Variants in KMT2A observed in about 807,000 individuals in gnomAD.
KMT2A encodes histone-lysine N-methyltransferase 2A.
In KMT2A, 16 loss-of-function variants were observed where a neutral mutation model predicts 345.3. The ratio of observed to expected loss-of-function variants is 0.05; its 90% CI spans 0.03 to 0.07. The LOEUF is 0.07. Among genes scored for constraint, KMT2A ranks in the 10% least tolerant of loss-of-function variants. KMT2A has a pLI of 1.00. For synonymous variants in KMT2A, 1,599 were observed against 1,778.6 expected (o/e 0.90, Z 2.54); for missense variants, 3,272 against 4,841.6 (o/e 0.68, Z 9.62).
Position 118,472,352 on chromosome 11 carries a change from A to C in KMT2A, c.1193A>C (p.Lys398Thr). ...GAAGCAGCTCAGCTGCAGGGAAGAA[A>C]GGTGAAGACACAGGTCAAAAATATT... is the stretch of plus-strand genomic sequence containing the variant. ...EKEAAQLQGRKVKTQVKNIRQ... is the reference protein window; with the variant it reads ...EKEAAQLQGRTVKTQVKNIRQ... The change falls in exon 3 of 36, where the codon AAG becomes ACG. Residue 398 changes from lysine to threonine, a missense_variant. Lys to Thr is a moderately conservative substitution (Grantham distance 78). This residue lies in a region of KMT2A where 412 missense variants were observed against 511.0 expected (regional missense o/e 0.81). Transcript: ENST00000534358. 6.2e-7 allele frequency: 1 copy of C among 1,614,134 alleles called. No homozygotes were observed. The highest frequency in any genetic ancestry group is 8.5e-7 in the Non-Finnish European group (1 of 1,180,028).
intron 1 of KMT2A, among the ~76,000 whole-genome samples, chr11:118,460,106 A>G (rs1949718299): frequency 6.6e-6 from 1 of 152,194 alleles, no homozygotes. Flanking sequence ...TGGTATTACT[A>G]GAAACTGTGT....
At chr11:118,440,859 G>A (rs1157512600) in intron 1 of KMT2A, among the ~76,000 whole-genome samples, 2 of 150,668 alleles carry the variant, frequency 1.3e-5, no homozygotes, top group Non-Finnish European at 2.9e-5. Flanking sequence ...TGCCTTCACA[G>A]CTAGTCCTAA....
chr11:118,482,135 T>A (rs1555039499), intron 7 of KMT2A, 43 bp downstream of exon 7: 1 of 1,547,994 alleles, frequency 6.5e-7, no homozygotes, highest in Non-Finnish European at 8.7e-7. Flanking sequence ...CCACAAGTAC[T>A]AACAAAAAAG....
chr11:118,491,102 T>C lies in KMT2A; in HGVS notation c.4697-94T>C. 1 of 1,270,950 alleles carries C rather than the reference T, an allele frequency of 7.9e-7. No homozygotes were observed. Among genetic ancestry groups the C allele is most frequent in the Non-Finnish European group, 1.1e-6 (1 of 907,216 alleles). The allele number at this position is 1,270,950 out of a possible 1,614,324, so 78.7% of individuals were successfully genotyped here. A position where few individuals can be genotyped will look rare whatever the true frequency, so the allele number is the denominator to read the frequency against. On this transcript the variant is annotated intron_variant, in intron 13 of 35. Coordinates refer to ENST00000534358, the MANE Select transcript of KMT2A (RefSeq NM_001197104.2). This position sits in a 1 kb window ranked among gnomAD's most constrained non-coding sequence, Gnocchi z 4.2. ...TGGTGTTCATGATCCCAGAAGAATA[T>C]AGATTTAGATTGGGTTGGTAAATGC...
chr11:118,492,352 G>A (rs918732896), intron 15 of KMT2A, among the ~76,000 whole-genome samples: 20 of 152,242 alleles, frequency 1.3e-4, no homozygotes, highest in African/African-American at 4.8e-4. Context: ...TATGTAAGTT[G>A]TGAACTTTAC....
At chr11:118,516,986 A>G (rs1223611584) in intron 31 of KMT2A, among the ~76,000 whole-genome samples, 1 of 152,222 alleles carries the variant, frequency 6.6e-6, no homozygotes, top group Non-Finnish European at 1.5e-5. Context: ...ACTTTCTGTG[A>G]AAATATACTT....
chr11:118,470,156 A>G (rs1261723104), intron 2 of KMT2A, among the ~76,000 whole-genome samples: 3 of 152,222 alleles, frequency 2.0e-5, no homozygotes, highest in Admixed American at 6.5e-5. Flanking sequence ...TGCTGCTTCT[A>G]CTTATCTACC....
chr11:118,481,053 A>G (rs1430153212), intron 6 of KMT2A, among the ~76,000 whole-genome samples: 1 of 152,160 alleles, frequency 6.6e-6, no homozygotes, highest in East Asian at 1.9e-4. Context: ...GGTACATGGG[A>G]TGTCCATTAC....
chr11:118,521,532 A>T lies in KMT2A; in HGVS notation c.11643+115A>T. The T allele has an allele frequency of 1.6e-6, 2 of 1,264,082 alleles. No homozygotes were observed. Among genetic ancestry groups the T allele is most frequent in the Admixed American group, 5.5e-5 (2 of 36,136 alleles). The allele number at this position is 1,264,082 out of a possible 1,614,324, so 78.3% of individuals were successfully genotyped here. Reference sequence around the variant, plus strand: ...TGTTATCAATTCAGAGACCTTTCTTAAAAAAATAAACTCTGAAATTTGTGA... The same window carrying T: ...TGTTATCAATTCAGAGACCTTTCTTTAAAAAATAAACTCTGAAATTTGTGA... On this transcript the variant is annotated intron_variant, in intron 35 of 35. Transcript: ENST00000534358. The surrounding 1 kb of genome is among the most constrained non-coding windows in gnomAD (Gnocchi z 5.3).
At chr11:118,470,332 T>G (rs2134253492) in intron 2 of KMT2A, among the ~76,000 whole-genome samples, 1 of 152,248 alleles carries the variant, frequency 6.6e-6, no homozygotes, top group Non-Finnish European at 1.5e-5. Context: ...TGAGACGGAG[T>G]CTCACTCTGT....
intron 1 of KMT2A, among the ~76,000 whole-genome samples, chr11:118,456,606 A>G (rs536256): frequency 0.29 from 44,476 of 151,920 alleles, 8,580 homozygotes; most frequent in East Asian, 0.53. Flanking sequence ...CCAAAGTGCT[A>G]GGATTACAGG....
In KMT2A at chr11:118,494,662, C is replaced by T; in HGVS notation, c.5290-32C>T. The T allele has an allele frequency of 6.3e-7, 1 of 1,580,250 alleles. No homozygotes were observed. Among genetic ancestry groups the T allele is most frequent in the Middle Eastern group, 1.7e-4 (1 of 5,930 alleles). The stretch of plus-strand genomic sequence containing the variant: ...CATGTGGTATCTAAATGAGTGTTTA[C>T]ATATTTACATTTTGTTTGTGTTTTC... On this transcript the variant is annotated intron_variant, in intron 17 of 35. Coordinates refer to ENST00000534358, the MANE Select transcript of KMT2A (RefSeq NM_001197104.2). The surrounding 1 kb of genome is among the most constrained non-coding windows in gnomAD (Gnocchi z 5.8).
Position 118,497,213 on chromosome 11 carries a change from A to T in KMT2A, c.5665-723A>T, listed in dbSNP as rs1218940396. 6.6e-6 allele frequency among the ~76,000 whole-genome samples: 1 copy of T among 152,118 alleles called. No homozygotes were observed. Among genetic ancestry groups the T allele is most frequent in the Non-Finnish European group, 1.5e-5 (1 of 68,028 alleles). On this transcript the variant is annotated intron_variant, in intron 20 of 35. Transcript: ENST00000534358. The surrounding 1 kb of genome is among the most constrained non-coding windows in gnomAD (Gnocchi z 4.8). ...GAGACGGAGTTTCTCCATGTTGGTC[A>T]GGCTGGTCTCAAACTCCCGACCCCA...
In KMT2A at chr11:118,520,774, T is replaced by A. The variant is rs1199869259; in HGVS notation, c.11430-28T>A. The A allele has an allele frequency of 1.3e-6, 2 of 1,553,964 alleles. No homozygotes were observed. The highest frequency in any genetic ancestry group is 1.8e-6 in the Non-Finnish European group (2 of 1,125,574). ...TCAAAACATTATTTCCTGAAAAAAA[T>A]TCGTTAATAGTATGTCTTATCTCTT... On this transcript the variant is annotated intron_variant, in intron 33 of 35. Transcript: ENST00000534358. This position sits in a 1 kb window ranked among gnomAD's most constrained non-coding sequence, Gnocchi z 4.3.
At chr11:118,483,187 T>A (rs552878891) in intron 8 of KMT2A, among the ~76,000 whole-genome samples, 252 of 142,222 alleles carry the variant, frequency 1.8e-3, no homozygotes, top group African/African-American at 6.3e-3. Flanking sequence ...GAGCCGAGAT[T>A]GCATCATTGC....
chr11:118,444,663 T>C (rs985395898), intron 1 of KMT2A, among the ~76,000 whole-genome samples: 8 of 152,190 alleles, frequency 5.3e-5, no homozygotes, highest in African/African-American at 1.9e-4. Context: ...AGCCTCAACC[T>C]CCAGGGCTCA....
chr11:118,490,261 A>G lies in KMT2A; in HGVS notation c.4696+12A>G. 2 of 1,541,096 alleles carry G rather than the reference A, an allele frequency of 1.3e-6. No individual in the cohort carries two copies. The highest frequency in any genetic ancestry group is 1.7e-6 in the Non-Finnish European group (2 of 1,152,796). On this transcript the variant is annotated intron_variant, in intron 13 of 35. Transcript: ENST00000534358. The surrounding 1 kb of genome is among the most constrained non-coding windows in gnomAD (Gnocchi z 4.2). ...GCTCTTTGCTAAAGGTACCCAAAAA[A>G]GCCAGTTTTGCCAGCTTTCGGAGGT...
rs1315225480 is a variant in KMT2A, at chr11:118,495,185, A to T, written c.5363+418A>T. ...ATTTATTTTTTTTTTTTTGAGACGG[A>T]GTCTCGTTCTGTCACCAGGCTGGAG... On this transcript the variant is annotated intron_variant, in intron 18 of 35. Transcript: ENST00000534358. The surrounding 1 kb of genome is among the most constrained non-coding windows in gnomAD (Gnocchi z 4.1). 1.3e-5 allele frequency among the ~76,000 whole-genome samples: 2 copies of T among 148,428 alleles called. No homozygotes were observed. Among genetic ancestry groups the T allele is most frequent in the Non-Finnish European group, 3.0e-5 (2 of 67,480 alleles).
In KMT2A at chr11:118,499,841, T is replaced by C. The variant is rs782007598; in HGVS notation, c.6086T>C (p.Met2029Thr). The C allele has an allele frequency of 2.5e-6, 4 of 1,609,892 alleles. No homozygotes were observed. The highest frequency in any genetic ancestry group is 1.3e-5 in the African/African-American group (1 of 74,926). ...TTCTTCTTTCCTTGGTCAGGGTCTATGACAATCGACTGCTTAGGAATTCTA... is the reference window on the plus strand; with the variant it reads ...TTCTTCTTTCCTTGGTCAGGGTCTACGACAATCGACTGCTTAGGAATTCTA... Reference protein sequence around the residue: ...PENIHMMIGSMTIDCLGILND... With the variant: ...PENIHMMIGSTTIDCLGILND... The change falls in exon 24 of 36, where the codon ATG (methionine) becomes ACG (threonine). Residue 2029 changes from methionine (M) to threonine (T), a missense_variant. By Grantham distance (81) the Met-to-Thr change is moderately conservative. Transcript: ENST00000534358.
Sources: allele counts gnomAD v4.1 joint callset (sites outside exome capture counted in the v4.1 genomes callset), GRCh38; gene constraint gnomAD v4.1.1; regional missense constraint gnomAD v4.1.1; non-coding constraint Gnocchi (gnomAD v3.1); transcripts MANE v1.5; gene names NCBI Gene and HGNC (gene_info 2026-07-23, HGNC 2026-07-21).